The following CDH8 variants were observed in gnomAD, a reference collection of about 807,000 sequenced individuals.
CDH8 encodes cadherin-8.
In CDH8, 17 loss-of-function variants were observed where a neutral mutation model predicts 68.1. That is an observed-to-expected ratio of 0.25 (90% CI 0.17 to 0.37). The LOEUF (loss-of-function observed/expected upper bound fraction) is 0.37. Ranked by LOEUF, CDH8 falls within the 10% of genes least tolerant of loss-of-function variation. The probability of loss-of-function intolerance (pLI) is 1.00; values close to 1 mark genes in which losing one functional copy is unlikely to be tolerated. For synonymous variants in CDH8, 372 were observed against 365.1 expected, an observed-to-expected ratio of 1.02 and a Z score of -0.21; for missense variants, 763 against 999.3, an observed-to-expected ratio of 0.76 and a Z score of 3.19.
chr16:61,921,083 A>G (rs1964357534), intron 2 of CDH8, among the ~76,000 whole-genome samples: 2 of 128,100 alleles, frequency 1.6e-5, no homozygotes, highest in South Asian at 2.5e-4. Flanking sequence ...GAAGGGGAAC[A>G]TCACACTCTG....
intron 2 of CDH8, among the ~76,000 whole-genome samples, chr16:62,002,468 T>C (rs531828788): frequency 1.3e-5 from 2 of 152,296 alleles, no homozygotes; most frequent in Non-Finnish European, 2.9e-5. Flanking sequence ...CATGAGTGTA[T>C]ACCTCATATG....
At chr16:61,863,004 CT>C (rs778978706) in intron 3 of CDH8, among the ~76,000 whole-genome samples, 4 of 152,082 alleles carry the variant, frequency 2.6e-5, no homozygotes, top group Non-Finnish European at 4.4e-5. Context: ...AAGAAAGCCC[CT>C]ATTATAATCC....
chr16:61,932,683 G>A (rs1406273206), intron 2 of CDH8, among the ~76,000 whole-genome samples: 3 of 152,094 alleles, frequency 2.0e-5, no homozygotes, highest in Admixed American at 6.5e-5. Context: ...GAGTGAATAC[G>A]TCAGAGTTGT....
At chr16:61,823,777 A>T (rs1419258191) in intron 5 of CDH8, among the ~76,000 whole-genome samples, 1 of 151,892 alleles carries the variant, frequency 6.6e-6, no homozygotes, top group East Asian at 1.9e-4. Flanking sequence ...AGTCTAATCT[A>T]ACTCTCCAGA....
intron 9 of CDH8, chr16:61,725,209 TTA>T (rs1473932124): frequency 1.3e-5 from 2 of 150,888 alleles, no homozygotes; most frequent in African/African-American, 4.8e-5. Context: ...AATCAATTTT[TTA>T]TTTTGGTTTT....
chr16:62,004,977 T>C (rs896307771), intron 2 of CDH8, among the ~76,000 whole-genome samples: 2 of 152,206 alleles, frequency 1.3e-5, no homozygotes, highest in African/African-American at 4.8e-5. Flanking sequence ...TTTACAAAGA[T>C]TCTTCCAAGG....
chr16:61,990,699 C>G (rs1278208257), intron 2 of CDH8, among the ~76,000 whole-genome samples: 6 of 152,014 alleles, frequency 3.9e-5, no homozygotes, highest in African/African-American at 1.4e-4. Context: ...CGGTGCACAC[C>G]TGTAGTCTCA....
At chr16:61,658,748 G>A (rs1963500043) in intron 10 of CDH8, among the ~76,000 whole-genome samples, 1 of 152,030 alleles carries the variant, frequency 6.6e-6, no homozygotes, top group Non-Finnish European at 1.5e-5. Context: ...TATAGAATCA[G>A]ATTATAAAGT....
At chr16:61,819,238 C>T (rs956515993) in intron 6 of CDH8, among the ~76,000 whole-genome samples, 2 of 152,050 alleles carry the variant, frequency 1.3e-5, no homozygotes, top group Non-Finnish European at 2.9e-5. Context: ...TGTAGAAATA[C>T]AACTCCTTTG....
At chr16:61,971,382 A>G (rs2150576925) in intron 2 of CDH8, among the ~76,000 whole-genome samples, 1 of 152,230 alleles carries the variant, frequency 6.6e-6, no homozygotes, top group South Asian at 2.1e-4. Flanking sequence ...TGGGTTGATA[A>G]ATTTGATAGA....
At chr16:61,892,312 C>T (rs1001959351) in intron 3 of CDH8, among the ~76,000 whole-genome samples, 163 of 152,086 alleles carry the variant, frequency 1.1e-3, no homozygotes, top group Non-Finnish European at 1.0e-3. Flanking sequence ...GAGTAAATTT[C>T]TGTAATGCCT....
rs749324444 is a variant in CDH8, at chr16:61,857,183, G to C, written c.603C>G (p.Asn201Lys). 1.6e-5 allele frequency: 26 copies of C among 1,613,030 alleles called. No homozygotes were observed. The highest frequency in any genetic ancestry group is 1.9e-5 in the Non-Finnish European group (22 of 1,179,284). Residue 201 changes from asparagine to lysine, a missense_variant, in exon 4 of 12, where the codon AAC (asparagine) becomes AAG (lysine). Physicochemically the swap from Asn to Lys is moderately conservative, Grantham distance 94. Around this residue, in one of 2 missense-constraint regions of CDH8, gnomAD observed 366 missense variants for 563.1 expected, o/e 0.65. Transcript: ENST00000577390. ...ATATACTATAAACCAACTTTGCACTGTTTCCATAAACTGGGTCATCAGCGT... is the reference window on the plus strand; with the variant it reads ...ATATACTATAAACCAACTTTGCACTCTTTCCATAAACTGGGTCATCAGCGT... ...ATDADDPVYG[N>K]SAKLVYSILE... is the part of the protein sequence containing the mutation.
chr16:61,687,574 T>C (rs551819446), intron 10 of CDH8, among the ~76,000 whole-genome samples: 1 of 152,106 alleles, frequency 6.6e-6, no homozygotes, highest in Non-Finnish European at 1.5e-5. Flanking sequence ...TACAAGATGA[T>C]ACTAACAACG....
At chr16:61,817,949 GT>G (rs766932131) in intron 6 of CDH8, 47 of 442,688 alleles carry the variant, frequency 1.1e-4, no homozygotes, top group Non-Finnish European at 1.0e-4. Flanking sequence ...ATCTCCTATT[GT>G]TTTGTTTTGC....
chr16:61,921,544 C>T (rs1443878840), intron 2 of CDH8, among the ~76,000 whole-genome samples: 1 of 152,128 alleles, frequency 6.6e-6, no homozygotes, highest in African/African-American at 2.4e-5. Flanking sequence ...CTTCTAAATA[C>T]TTAAATATTT....
At chr16:62,002,655 T>G (rs1965910803) in intron 2 of CDH8, among the ~76,000 whole-genome samples, 1 of 152,250 alleles carries the variant, frequency 6.6e-6, no homozygotes, top group Non-Finnish European at 1.5e-5. Flanking sequence ...AACTTCTTTT[T>G]GTAAAATACC....
At chr16:61,777,743 G>T (rs770483690) in intron 8 of CDH8, among the ~76,000 whole-genome samples, 31 of 152,028 alleles carry the variant, frequency 2.0e-4, no homozygotes, top group Admixed American at 9.8e-4. Flanking sequence ...AGAGTCACAA[G>T]GATTAGAATA....
intron 4 of CDH8, among the ~76,000 whole-genome samples, chr16:61,848,182 C>T (rs1962854174): frequency 6.6e-6 from 1 of 152,032 alleles, no homozygotes; most frequent in African/African-American, 2.4e-5. Flanking sequence ...AATCCTGATC[C>T]TACCTGGTGT....
At chr16:61,744,040 A>G (rs1303192680) in intron 8 of CDH8, among the ~76,000 whole-genome samples, 1 of 152,058 alleles carries the variant, frequency 6.6e-6, no homozygotes, top group Non-Finnish European at 1.5e-5. Context: ...ATGTGTTGAG[A>G]GTTGTTTTAT....
Sources: allele counts gnomAD v4.1 joint callset (sites outside exome capture counted in the v4.1 genomes callset), GRCh38; gene constraint gnomAD v4.1.1; regional missense constraint gnomAD v4.1.1; transcripts MANE v1.5; gene names NCBI Gene and HGNC (gene_info 2026-07-23, HGNC 2026-07-21).